The following AUTS2 variants were observed in gnomAD, a reference collection of about 807,000 sequenced individuals.
The protein encoded by AUTS2 is activator of transcription and developmental regulator AUTS2.
A neutral mutation model predicts 112.4 loss-of-function variants in AUTS2; 17 were observed. The ratio of observed to expected loss-of-function variants is 0.15; its 90% CI spans 0.10 to 0.23. The LOEUF (loss-of-function observed/expected upper bound fraction) is 0.23. Ranked by LOEUF, AUTS2 falls within the 10% of genes least tolerant of loss-of-function variation. The pLI is 1.00. For missense variants in AUTS2, 1,510 were observed against 1,701.6 expected (o/e 0.89, Z 1.98); for synonymous variants, 751 against 702.7 (o/e 1.07, Z -1.09).
intron 4 of AUTS2, among the ~76,000 whole-genome samples, chr7:70,339,753 T>C (rs1023644057): frequency 6.6e-6 from 1 of 152,216 alleles, no homozygotes; most frequent in Non-Finnish European, 1.5e-5. Context: ...GGGTAGAGAA[T>C]AGGGCCTGGA....
intron 4 of AUTS2, among the ~76,000 whole-genome samples, chr7:70,247,698 G>A (rs1287566318): frequency 6.6e-6 from 1 of 152,056 alleles, no homozygotes; most frequent in Admixed American, 6.6e-5. Context: ...ATGTCATAAT[G>A]AGCATTTTGT....
At chr7:70,717,745 G>A (rs1810458982) in intron 6 of AUTS2, among the ~76,000 whole-genome samples, 1 of 152,162 alleles carries the variant, frequency 6.6e-6, no homozygotes, top group Non-Finnish European at 1.5e-5. Flanking sequence ...TTGGCTCTGG[G>A]TGCCAGTCAG....
chr7:70,709,486 G>A (rs1317774133), intron 6 of AUTS2, among the ~76,000 whole-genome samples: 2 of 152,038 alleles, frequency 1.3e-5, no homozygotes, highest in South Asian at 2.1e-4. Flanking sequence ...CGAGGCGGGC[G>A]GATCACTTGA....
intron 1 of AUTS2, among the ~76,000 whole-genome samples, chr7:69,858,343 A>C (rs1792827615): frequency 6.6e-6 from 1 of 152,208 alleles, no homozygotes; most frequent in African/African-American, 2.4e-5. Flanking sequence ...GGAGCTTAGA[A>C]GTAGACCAAG....
intron 2 of AUTS2, among the ~76,000 whole-genome samples, chr7:70,027,267 ACT>A (rs1474395602): frequency 4.1e-5 from 6 of 144,640 alleles, no homozygotes; most frequent in Admixed American, 2.0e-4. Flanking sequence ...CGTTTTGGAA[ACT>A]CTCTGTTGTT....
At chr7:69,971,127 A>G (rs1035955373) in intron 2 of AUTS2, among the ~76,000 whole-genome samples, 1 of 152,232 alleles carries the variant, frequency 6.6e-6, no homozygotes, top group Non-Finnish European at 1.5e-5. Context: ...GCAGTGGGCT[A>G]TGATCCCACC....
chr7:70,029,908 T>C (rs1439081711), intron 2 of AUTS2, among the ~76,000 whole-genome samples: 1 of 152,228 alleles, frequency 6.6e-6, no homozygotes, highest in African/African-American at 2.4e-5. Context: ...TACCAACCTC[T>C]GGCCTGTGTC....
intron 5 of AUTS2, among the ~76,000 whole-genome samples, chr7:70,675,462 C>T (rs2129544524): frequency 6.6e-6 from 1 of 152,324 alleles, no homozygotes; most frequent in South Asian, 2.1e-4. Flanking sequence ...TGCCACTGCA[C>T]TCCAGCCTGG....
chr7:70,543,983 T>C lies in AUTS2; in HGVS notation c.690+108202T>C, dbSNP rs141058958. Among the ~76,000 whole-genome samples, 121 of 152,278 alleles carry C rather than the reference T, an allele frequency of 7.9e-4. 1 individual carries two copies. The highest frequency in any genetic ancestry group is 3.4e-3 in the Middle Eastern group (1 of 294). On this transcript the variant is annotated intron_variant, in intron 5 of 18. Coordinates refer to ENST00000342771, the MANE Select transcript of AUTS2 (RefSeq NM_015570.4). ...TGGTGAATTAGACCTTGAGACTTCA[T>C]AATTAAAATGGATTTAATAGAGGCA...
intron 1 of AUTS2, among the ~76,000 whole-genome samples, chr7:69,820,843 G>A (rs368565927): frequency 6.6e-6 from 1 of 152,150 alleles, no homozygotes. Context: ...CTCCGGACAA[G>A]AAAAATTAAT....
chr7:70,063,370 A>T (rs1197350401), intron 2 of AUTS2, among the ~76,000 whole-genome samples: 6 of 152,068 alleles, frequency 3.9e-5, no homozygotes, highest in African/African-American at 1.2e-4. Flanking sequence ...TTACACATTT[A>T]ACAGGATGTT....
At chr7:70,325,683 G>A (rs1026842548) in intron 4 of AUTS2, among the ~76,000 whole-genome samples, 1 of 152,182 alleles carries the variant, frequency 6.6e-6, no homozygotes, top group East Asian at 1.9e-4. Context: ...ATTAGACTTA[G>A]AAATCATAGT....
intron 1 of AUTS2, among the ~76,000 whole-genome samples, chr7:69,644,145 T>C (rs953115082): frequency 6.6e-6 from 1 of 152,164 alleles, no homozygotes. Flanking sequence ...TTCGTTATGG[T>C]GGCCTGAGCT....
chr7:70,410,290 T>C (rs147440297), intron 4 of AUTS2, among the ~76,000 whole-genome samples: 74 of 152,280 alleles, frequency 4.9e-4, no homozygotes, highest in Non-Finnish European at 9.6e-4. Context: ...CTCTTCCCCA[T>C]GTAGAATGCA....
At chr7:69,686,461 G>A (rs1237729569) in intron 1 of AUTS2, among the ~76,000 whole-genome samples, 4 of 152,094 alleles carry the variant, frequency 2.6e-5, no homozygotes, top group African/African-American at 9.7e-5. Context: ...TGGGACTGGG[G>A]GTTCTTAACA....
chr7:70,488,576 G>T (rs1438655756), intron 5 of AUTS2, among the ~76,000 whole-genome samples: 1 of 152,120 alleles, frequency 6.6e-6, no homozygotes, highest in Non-Finnish European at 1.5e-5. Flanking sequence ...TGCAGGCCAA[G>T]CCTTAATGGG....
At chr7:70,483,202 GTGT>G (rs1797857563) in intron 5 of AUTS2, among the ~76,000 whole-genome samples, 1 of 150,362 alleles carries the variant, frequency 6.7e-6, no homozygotes, top group Non-Finnish European at 1.5e-5. Flanking sequence ...GTCTTCTACT[GTGT>G]GCTCCAGTTT....
At position 70,735,871 on chromosome 7, in the gene AUTS2, T is replaced by G. The variant is rs551030252; in HGVS notation, c.743-26999T>G. Among the ~76,000 whole-genome samples, 37 of 152,284 alleles carry G rather than the reference T, an allele frequency of 2.4e-4. 1 individual carries two copies. The highest frequency in any genetic ancestry group is 7.5e-4 in the African/African-American group (31 of 41,556). On this transcript the variant is annotated intron_variant, in intron 6 of 18. Coordinates refer to ENST00000342771, the MANE Select transcript of AUTS2 (RefSeq NM_015570.4). ...GACAAGAGACTTCAGAAATGGCAAG[T>G]TCTTAGTTTGGGAGGCTAGGTATTG...
chr7:70,410,877 G>A (rs779489729), intron 4 of AUTS2, among the ~76,000 whole-genome samples: 39 of 146,746 alleles, frequency 2.7e-4, no homozygotes, highest in Non-Finnish European at 1.4e-4. Context: ...TTATTATTAT[G>A]TTTGAGATGG....
Sources: allele counts gnomAD v4.1 joint callset (sites outside exome capture counted in the v4.1 genomes callset), GRCh38; gene constraint gnomAD v4.1.1; transcripts MANE v1.5; gene names NCBI Gene and HGNC (gene_info 2026-07-23, HGNC 2026-07-21).